Variants in SYT1 observed in about 807,000 individuals in gnomAD.
SYT1 encodes the protein synaptotagmin 1.
In SYT1, 8 loss-of-function variants were observed where a neutral mutation model predicts 44.8. The ratio of observed to expected loss-of-function variants is 0.18; its 90% CI spans 0.10 to 0.32. The LOEUF (loss-of-function observed/expected upper bound fraction) is 0.32, where lower values mean the gene tolerates loss of function less well. SYT1 is among the 10% of genes least tolerant of loss of function. The probability of loss-of-function intolerance (pLI) is 1.00; values close to 1 mark genes in which losing one functional copy is unlikely to be tolerated. For synonymous variants in SYT1, 154 were observed against 188.8 expected (o/e 0.82, Z 1.51); for missense variants, 286 against 509.3 (o/e 0.56, Z 4.22).
chr12:79,031,717 G>A (rs1872841079), intron 2 of SYT1, among the ~76,000 whole-genome samples: 1 of 151,018 alleles, frequency 6.6e-6, no homozygotes, highest in African/African-American at 2.4e-5. Flanking sequence ...AAGGTTTGAG[G>A]TGTAGTAATT....
At chr12:79,345,381 T>A (rs1480695271) in intron 8 of SYT1, among the ~76,000 whole-genome samples, 2 of 152,160 alleles carry the variant, frequency 1.3e-5, no homozygotes, top group Non-Finnish European at 2.9e-5. Flanking sequence ...GCCACTTCTG[T>A]AGTACAGTCA....
At chr12:79,304,207 C>A (rs1880283749) in intron 8 of SYT1, among the ~76,000 whole-genome samples, 1 of 152,156 alleles carries the variant, frequency 6.6e-6, no homozygotes, top group Non-Finnish European at 1.5e-5. Flanking sequence ...GGCAAGAACA[C>A]AATAGGCGTG....
intron 3 of SYT1, among the ~76,000 whole-genome samples, chr12:79,091,293 T>C (rs1395393778): frequency 6.6e-6 from 1 of 152,006 alleles, no homozygotes; most frequent in Non-Finnish European, 1.5e-5. Flanking sequence ...TTGGAATAAG[T>C]AGAAAAATGT....
In SYT1 at chr12:79,314,118, G is replaced by A. The variant is rs967808549; in HGVS notation, c.810+14567G>A. Among the ~76,000 whole-genome samples, 11 of 140,370 alleles carry A rather than the reference G, an allele frequency of 7.8e-5. No individual in the cohort carries two copies. In the East Asian group the frequency reaches 8.5e-4, roughly 11 times the overall value. The allele number at this position is 140,370 out of a possible 152,430, so 92.1% of individuals were successfully genotyped here. ...CGGGAGGCGGAGCTTGCAGTGAGCC[G>A]AGATCGCGCCACTGCACTCCAGCCT... On this transcript the variant is annotated intron_variant, in intron 8 of 10. Transcript: ENST00000261205.
chr12:78,920,191 C>A (rs2137158689), intron 1 of SYT1, among the ~76,000 whole-genome samples: 1 of 151,956 alleles, frequency 6.6e-6, no homozygotes, highest in African/African-American at 2.4e-5. Context: ...AAATTAAAAT[C>A]TTGGAAATCT....
intron 10 of SYT1, among the ~76,000 whole-genome samples, chr12:79,445,584 C>G (rs1870661612): frequency 6.6e-6 from 1 of 151,594 alleles, no homozygotes; most frequent in East Asian, 1.9e-4. Flanking sequence ...TTTCACTTAA[C>G]ATAATGTCTG....
chr12:78,986,658 T>C (rs1869662031), intron 2 of SYT1, among the ~76,000 whole-genome samples: 1 of 152,046 alleles, frequency 6.6e-6, no homozygotes, highest in Non-Finnish European at 1.5e-5. Context: ...GAAAGGCTTT[T>C]CATTCATGTC....
chr12:79,052,872 G>A (rs897715004), intron 3 of SYT1, among the ~76,000 whole-genome samples: 15 of 152,096 alleles, frequency 9.9e-5, no homozygotes, highest in African/African-American at 3.6e-4. Flanking sequence ...TGCTGGAGAG[G>A]ATGTGGAGAA....
rs368918698 is a variant in SYT1, at chr12:79,274,237, A to G, written c.167-11550A>G. Among the ~76,000 whole-genome samples, 16 of 152,318 alleles carry G rather than the reference A, an allele frequency of 1.1e-4. No homozygotes were observed. The East Asian group carries it at 1.4e-3, about 13-fold the overall frequency. On this transcript the variant is annotated intron_variant, in intron 4 of 10. Coordinates refer to ENST00000261205, the MANE Select transcript of SYT1 (RefSeq NM_005639.3). Reference sequence around the variant, plus strand: ...CTGGACACCTCTGCTTTGCGGGTCAATCCAGGAAGGGTGTGGCCTGAGAGC... The same window carrying G: ...CTGGACACCTCTGCTTTGCGGGTCAGTCCAGGAAGGGTGTGGCCTGAGAGC...
intron 3 of SYT1, among the ~76,000 whole-genome samples, chr12:79,104,687 C>T (rs999903968): frequency 3.3e-5 from 5 of 151,530 alleles, no homozygotes; most frequent in Non-Finnish European, 5.9e-5. Context: ...TTCTGGTAAA[C>T]GAATACTAGA....
At chr12:78,895,481 G>A (rs898281609) in intron 1 of SYT1, among the ~76,000 whole-genome samples, 1 of 151,644 alleles carries the variant, frequency 6.6e-6, no homozygotes, top group Non-Finnish European at 1.5e-5. Context: ...ATCTTCATAT[G>A]AAAAATTAAA....
intron 4 of SYT1, among the ~76,000 whole-genome samples, chr12:79,259,628 G>A (rs1318391147): frequency 2.6e-5 from 4 of 152,178 alleles, no homozygotes; most frequent in African/African-American, 4.8e-5. Context: ...CAGCTACTCA[G>A]GAGGCTGAGG....
chr12:79,109,590 T>C (rs1319333204), intron 3 of SYT1, among the ~76,000 whole-genome samples: 1 of 152,200 alleles, frequency 6.6e-6, no homozygotes, highest in Non-Finnish European at 1.5e-5. Flanking sequence ...TGATGTACTA[T>C]ATGTGAACGC....
chr12:79,425,065 T>C (rs1363528433), intron 9 of SYT1, among the ~76,000 whole-genome samples: 1 of 149,990 alleles, frequency 6.7e-6, no homozygotes, highest in East Asian at 2.0e-4. Flanking sequence ...ATAAGCCAAA[T>C]GTTACCCCAA....
intron 3 of SYT1, among the ~76,000 whole-genome samples, chr12:79,195,916 GTC>G (rs1309993174): frequency 6.6e-6 from 1 of 152,134 alleles, no homozygotes; most frequent in Non-Finnish European, 1.5e-5. Context: ...ACTGAGAACT[GTC>G]TCCAGTGACA....
intron 1 of SYT1, among the ~76,000 whole-genome samples, chr12:78,929,409 C>CAAAAA (rs10646738): frequency 0.044 from 1,914 of 43,788 alleles, 943 homozygotes; most frequent in Middle Eastern, 0.15. Flanking sequence ...GACTCCGTCC[C>CAAAAA]AAAAAAAAAA....
intron 9 of SYT1, among the ~76,000 whole-genome samples, chr12:79,427,379 C>G (rs147656431): frequency 2.0e-5 from 3 of 152,198 alleles, no homozygotes; most frequent in Non-Finnish European, 4.4e-5. Flanking sequence ...GTTTAGCGCC[C>G]TCACTCCAAC....
intron 3 of SYT1, among the ~76,000 whole-genome samples, chr12:79,161,950 G>A (rs1037291132): frequency 4.6e-5 from 7 of 152,084 alleles, no homozygotes; most frequent in African/African-American, 1.7e-4. Flanking sequence ...TCTGACACTG[G>A]CATGCTTCTT....
intron 9 of SYT1, among the ~76,000 whole-genome samples, chr12:79,396,629 A>G (rs1188871153): frequency 6.6e-6 from 1 of 152,218 alleles, no homozygotes; most frequent in Non-Finnish European, 1.5e-5. Context: ...TATAAATTCT[A>G]TATCTAGGCT....
Sources: allele counts gnomAD v4.1 joint callset (sites outside exome capture counted in the v4.1 genomes callset), GRCh38; gene constraint gnomAD v4.1.1; transcripts MANE v1.5; gene names NCBI Gene and HGNC (gene_info 2026-07-23, HGNC 2026-07-21).